Variants in STARD13 observed in about 807,000 individuals in gnomAD.
STARD13 encodes StAR related lipid transfer domain containing 13, also known as stAR-related lipid transfer protein 13.
Under a neutral mutation model 106.4 loss-of-function variants are expected in STARD13, and 62 were observed. That is an observed-to-expected ratio of 0.58 (90% CI 0.48 to 0.72). The LOEUF (loss-of-function observed/expected upper bound fraction) is 0.72, where lower values mean the gene tolerates loss of function less well. Among genes scored for constraint, STARD13 ranks in the 30% least tolerant of loss-of-function variants. STARD13 has a pLI of 0.00. For synonymous variants in STARD13, 565 were observed against 553.0 expected (o/e 1.02, Z -0.31); for missense variants, 1,387 against 1,424.0 (o/e 0.97, Z 0.42).
the STARD13 span, among the ~76,000 whole-genome samples, chr13:33,646,671 C>T: frequency 6.6e-6 from 1 of 151,550 alleles, no homozygotes; most frequent in Non-Finnish European, 1.5e-5. Flanking sequence ...AAATCACACA[C>T]AAGTTTGACT....
the STARD13 span, among the ~76,000 whole-genome samples, chr13:33,404,938 A>G: frequency 6.6e-6 from 1 of 151,902 alleles, no homozygotes; most frequent in Non-Finnish European, 1.5e-5. Flanking sequence ...CACCACGCAG[A>G]GCTAATTTTT....
chr13:33,444,958 G>A, the STARD13 span, among the ~76,000 whole-genome samples: 117 of 152,250 alleles, frequency 7.7e-4, no homozygotes, highest in African/African-American at 2.5e-3. Flanking sequence ...AAATGCAATT[G>A]CTTTTTGAAA....
In STARD13 at chr13:33,129,414, G is replaced by A; in HGVS notation, c.1263C>T (p.Ser421=). The A allele has an allele frequency of 6.2e-7, 1 of 1,614,198 alleles. No individual in the cohort carries two copies. The highest frequency in any genetic ancestry group is 8.5e-7 in the Non-Finnish European group (1 of 1,180,040). The part of the protein sequence containing the change: ...SIESLSPTDS[S]NGVNWRTGSI... ...TACCGGTCCTCCAATTAACCCCATT[G>A]CTACTATCTGTGGGAGAGAGGCTTT... Residue 421 remains serine (S), a synonymous_variant, in exon 5 of 14, where the codon AGC becomes AGT. Coordinates refer to ENST00000336934, the MANE Select transcript of STARD13 (RefSeq NM_178006.4).
chr13:33,437,137 T>C, the STARD13 span, among the ~76,000 whole-genome samples: 70 of 152,308 alleles, frequency 4.6e-4, no homozygotes, highest in South Asian at 0.013. Flanking sequence ...CTGGGCCTGG[T>C]AATTAAAGAT....
chr13:33,361,234 A>G, the STARD13 span, among the ~76,000 whole-genome samples: 1 of 151,556 alleles, frequency 6.6e-6, no homozygotes, highest in African/African-American at 2.4e-5. Flanking sequence ...AGCTTACTCA[A>G]TGTGAAGACA....
the STARD13 span, among the ~76,000 whole-genome samples, chr13:33,396,546 A>T: frequency 6.6e-5 from 10 of 152,260 alleles, no homozygotes; most frequent in East Asian, 1.9e-3. Flanking sequence ...TAAAGGAAAC[A>T]TTTTTGCTTC....
At chr13:33,422,542 C>G in the STARD13 span, among the ~76,000 whole-genome samples, 1 of 152,102 alleles carries the variant, frequency 6.6e-6, no homozygotes, top group Non-Finnish European at 1.5e-5. Flanking sequence ...AGATTCAATG[C>G]CATCCCCATC....
At chr13:33,470,324 T>G in the STARD13 span, among the ~76,000 whole-genome samples, 1 of 152,212 alleles carries the variant, frequency 6.6e-6, no homozygotes, top group Non-Finnish European at 1.5e-5. Context: ...AGTCTATCAT[T>G]GATGGGCATT....
At chr13:33,158,662 G>C (rs1476037844) in intron 3 of STARD13, 3 of 152,268 alleles carry the variant, frequency 2.0e-5, no homozygotes, top group Non-Finnish European at 4.4e-5. Flanking sequence ...CCTTACTGCT[G>C]TCTTGGCATC....
At chr13:33,365,697 A>G in the STARD13 span, among the ~76,000 whole-genome samples, 1 of 152,186 alleles carries the variant, frequency 6.6e-6, no homozygotes, top group Non-Finnish European at 1.5e-5. Context: ...AGAATAAATC[A>G]TGCTCACTGT....
chr13:33,254,278 T>C (rs2138297304), intron 1 of STARD13, among the ~76,000 whole-genome samples: 1 of 152,258 alleles, frequency 6.6e-6, no homozygotes, highest in Non-Finnish European at 1.5e-5. Context: ...CAAGGGGTAG[T>C]CAGGACAATA....
chr13:33,397,001 G>T, the STARD13 span, among the ~76,000 whole-genome samples: 1 of 152,288 alleles, frequency 6.6e-6, no homozygotes, highest in South Asian at 2.1e-4. Flanking sequence ...AAGCTGAAAT[G>T]ACTGAAATTT....
At chr13:33,415,432 G>A in the STARD13 span, among the ~76,000 whole-genome samples, 1 of 152,166 alleles carries the variant, frequency 6.6e-6, no homozygotes, top group African/African-American at 2.4e-5. Context: ...GGCAGTAGGA[G>A]TAAGAGGGAA....
intron 1 of STARD13, among the ~76,000 whole-genome samples, chr13:33,267,381 A>AAAC (rs1037334421): frequency 7.2e-5 from 11 of 152,174 alleles, no homozygotes; most frequent in South Asian, 4.2e-4. Flanking sequence ...ATAAACCTTA[A>AAAC]AACAACAACA....
the STARD13 span, among the ~76,000 whole-genome samples, chr13:33,533,934 CAATT>C: frequency 2.0e-5 from 3 of 152,192 alleles, no homozygotes; most frequent in African/African-American, 7.2e-5. Context: ...CTCTTTTCTT[CAATT>C]ACTCTCAAAG....
the STARD13 span, among the ~76,000 whole-genome samples, chr13:33,368,662 C>G: frequency 6.6e-6 from 1 of 152,100 alleles, no homozygotes; most frequent in Non-Finnish European, 1.5e-5. Context: ...ACAAAAGGGC[C>G]TGCGCTGTGA....
chr13:33,420,581 A>G, the STARD13 span, among the ~76,000 whole-genome samples: 2 of 152,224 alleles, frequency 1.3e-5, no homozygotes, highest in Non-Finnish European at 2.9e-5. Flanking sequence ...CAGGACTTGA[A>G]CACAGCTCTG....
the STARD13 span, among the ~76,000 whole-genome samples, chr13:33,673,171 C>A: frequency 6.6e-6 from 1 of 152,214 alleles, no homozygotes; most frequent in Non-Finnish European, 1.5e-5. Context: ...TCTGGCATCT[C>A]TACAGAATCA....
the STARD13 span, among the ~76,000 whole-genome samples, chr13:33,544,949 T>TATTTA: frequency 7.8e-4 from 118 of 150,924 alleles, no homozygotes; most frequent in African/African-American, 2.9e-3. Flanking sequence ...AATTTTTTTG[T>TATTTA]TTTATTTATT....
Sources: gnomAD v4.1 joint callset for allele counts (sites outside exome capture counted in the v4.1 genomes callset) on GRCh38, gnomAD v4.1.1 for gene constraint, MANE v1.5 for transcripts, NCBI Gene and HGNC (gene_info 2026-07-23, HGNC 2026-07-21) for gene names.